The following NCKAP5 variants were observed in gnomAD, a reference collection of about 807,000 sequenced individuals.
NCKAP5 encodes NCK associated protein 5.
NCKAP5 carries 92 observed loss-of-function variants against 167.0 expected under a neutral mutation model. That is an observed-to-expected ratio of 0.55 (90% CI 0.47 to 0.66). The LOEUF is 0.66. NCKAP5 is among the 30% of genes least tolerant of loss of function. NCKAP5 has a pLI of 0.00. For missense variants in NCKAP5, 2,378 were observed against 2,315.0 expected, an observed-to-expected ratio of 1.03 and a Z score of -0.56; for synonymous variants, 891 against 877.4, an observed-to-expected ratio of 1.02 and a Z score of -0.27.
chr2:132,847,582 G>C (rs1688757082), intron 11 of NCKAP5, among the ~76,000 whole-genome samples: 1 of 152,100 alleles, frequency 6.6e-6, no homozygotes, highest in African/African-American at 2.4e-5. Context: ...CAAATCCCAG[G>C]ATAATATTTT....
intron 8 of NCKAP5, among the ~76,000 whole-genome samples, chr2:132,953,705 A>G (rs1414841093): frequency 2.8e-5 from 3 of 107,496 alleles, no homozygotes; most frequent in East Asian, 7.0e-4. Context: ...CAGAAGGGGA[A>G]AAAAAAAATA....
intron 19 of NCKAP5, among the ~76,000 whole-genome samples, chr2:132,704,213 A>G (rs1688140228): frequency 6.6e-6 from 1 of 151,788 alleles, no homozygotes; most frequent in Non-Finnish European, 1.5e-5. Flanking sequence ...TCTTTTCTAT[A>G]CTTTTTGTAT....
At chr2:133,284,157 G>A (rs907599810) in intron 4 of NCKAP5, among the ~76,000 whole-genome samples, 2 of 145,576 alleles carry the variant, frequency 1.4e-5, no homozygotes, top group Non-Finnish European at 3.0e-5. Flanking sequence ...CTATAAGATT[G>A]TGCATATATA....
intron 2 of NCKAP5, among the ~76,000 whole-genome samples, chr2:133,528,858 C>T (rs928997204): frequency 2.0e-5 from 3 of 152,202 alleles, no homozygotes; most frequent in African/African-American, 7.2e-5. Context: ...CCCATCTCTT[C>T]TTGCCGCTTC....
the NCKAP5 span, among the ~76,000 whole-genome samples, chr2:133,581,770 A>G: frequency 6.6e-6 from 1 of 152,190 alleles, no homozygotes; most frequent in African/African-American, 2.4e-5. Flanking sequence ...AAGAACCTCC[A>G]TCTGTCTGAA....
chr2:133,078,234 C>T (rs572614160), intron 6 of NCKAP5, among the ~76,000 whole-genome samples: 1 of 152,208 alleles, frequency 6.6e-6, no homozygotes, highest in African/African-American at 2.4e-5. Context: ...CAAGTCAGGA[C>T]ACATAAATAA....
intron 19 of NCKAP5, among the ~76,000 whole-genome samples, chr2:132,703,005 C>G (rs897467997): frequency 6.6e-6 from 1 of 151,906 alleles, no homozygotes; most frequent in East Asian, 1.9e-4. Flanking sequence ...ATAGTGAGAC[C>G]CTGTCCCTAC....
chr2:132,711,873 A>C (rs1012624809), intron 19 of NCKAP5, among the ~76,000 whole-genome samples: 1 of 152,174 alleles, frequency 6.6e-6, no homozygotes, highest in African/African-American at 2.4e-5. Flanking sequence ...GATGGTAGAC[A>C]GGATAAATTC....
intron 5 of NCKAP5, among the ~76,000 whole-genome samples, chr2:133,197,321 A>T (rs976318573): frequency 1.3e-5 from 2 of 152,206 alleles, no homozygotes; most frequent in African/African-American, 4.8e-5. Context: ...TCCAAAAAGT[A>T]TTGTGAACAC....
At chr2:133,445,333 A>T (rs188310533) in intron 3 of NCKAP5, among the ~76,000 whole-genome samples, 1 of 152,376 alleles carries the variant, frequency 6.6e-6, no homozygotes, top group Admixed American at 6.5e-5. Context: ...AATCCAAAGC[A>T]ACTACTTTTT....
chr2:132,766,921 C>T (rs917850479), intron 16 of NCKAP5, among the ~76,000 whole-genome samples: 1 of 152,168 alleles, frequency 6.6e-6, no homozygotes, highest in East Asian at 1.9e-4. Flanking sequence ...GGGCACATTA[C>T]CACTGTGGAT....
chr2:133,573,499 A>T, the NCKAP5 span, among the ~76,000 whole-genome samples: 2 of 152,056 alleles, frequency 1.3e-5, no homozygotes, highest in Non-Finnish European at 2.9e-5. Context: ...ACTACCTGGA[A>T]CCTGCCATGG....
At chr2:133,005,625 A>G (rs2077939165) in intron 6 of NCKAP5, among the ~76,000 whole-genome samples, 1 of 152,200 alleles carries the variant, frequency 6.6e-6, no homozygotes, top group South Asian at 2.1e-4. Context: ...CCACGCAAAA[A>G]GGACTCTGAA....
intron 8 of NCKAP5, among the ~76,000 whole-genome samples, chr2:132,956,719 C>A (rs2076355319): frequency 6.6e-6 from 1 of 152,216 alleles, no homozygotes. Flanking sequence ...CACGCCCACT[C>A]CCATCAGAAA....
chr2:132,952,455 C>T (rs2076216820), intron 8 of NCKAP5, among the ~76,000 whole-genome samples: 1 of 152,196 alleles, frequency 6.6e-6, no homozygotes, highest in African/African-American at 2.4e-5. Flanking sequence ...CACAGACCCC[C>T]CCCACTCCTT....
chr2:133,272,375 C>T (rs2089552909), intron 4 of NCKAP5, among the ~76,000 whole-genome samples: 1 of 151,916 alleles, frequency 6.6e-6, no homozygotes, highest in African/African-American at 2.4e-5. Flanking sequence ...ATAATAAAGA[C>T]TATATAACTA....
intron 3 of NCKAP5, among the ~76,000 whole-genome samples, chr2:133,310,428 A>G (rs892508147): frequency 6.6e-6 from 1 of 152,176 alleles, no homozygotes; most frequent in Non-Finnish European, 1.5e-5. Flanking sequence ...TTCCCATTAG[A>G]GCAAATGATG....
intron 3 of NCKAP5, among the ~76,000 whole-genome samples, chr2:133,316,468 A>G (rs1681617370): frequency 6.6e-6 from 1 of 152,172 alleles, no homozygotes. Context: ...TCGTTTTTAT[A>G]TTTATCTTTA....
intron 5 of NCKAP5, among the ~76,000 whole-genome samples, chr2:133,177,121 G>C (rs1368589970): frequency 6.7e-6 from 1 of 150,282 alleles, no homozygotes; most frequent in East Asian, 2.0e-4. Context: ...AAATACTGGA[G>C]TCAACACTCT....
Sources: gnomAD v4.1 joint callset for allele counts (sites outside exome capture counted in the v4.1 genomes callset) on GRCh38, gnomAD v4.1.1 for gene constraint, MANE v1.5 for transcripts, NCBI Gene and HGNC (gene_info 2026-07-23, HGNC 2026-07-21) for gene names.